Variants in PARVB observed in about 807,000 individuals in gnomAD.
PARVB encodes beta-parvin.
In PARVB, 46 loss-of-function variants were observed where a neutral mutation model predicts 47.0. The observed-to-expected ratio is 0.98, with a 90% CI of 0.77 to 1.25. The LOEUF is 1.25. PARVB is among the 50% of genes most tolerant of loss of function. PARVB has a pLI of 0.00. For missense variants in PARVB, 473 were observed against 471.6 expected (o/e 1.00, Z -0.03); for synonymous variants, 196 against 196.3 (o/e 1.00, Z 0.01).
At chr22:44,102,765 C>G (rs140248702) in intron 3 of PARVB, 1 of 152,194 alleles carries the variant, frequency 6.6e-6, no homozygotes, top group Non-Finnish European at 1.5e-5. Flanking sequence ...GCTTGAGCCC[C>G]GGAGGTCAAG....
intron 10 of PARVB, 77 bp from the exon 11 acceptor site, chr22:44,157,905 A>G (rs544955396): frequency 1.2e-5 from 12 of 987,392 alleles, no homozygotes; most frequent in Non-Finnish European, 1.9e-5. Flanking sequence ...AAGAAAAAAT[A>G]TGCCCCCCTT....
chr22:44,037,218 T>C (rs563259455), intron 1 of PARVB, among the ~76,000 whole-genome samples: 3 of 152,146 alleles, frequency 2.0e-5, no homozygotes, highest in Admixed American at 1.3e-4. Context: ...GGCACATGCC[T>C]GTAGTCCCAG....
intron 1 of PARVB, among the ~76,000 whole-genome samples, chr22:44,079,648 A>G (rs746597596): frequency 2.2e-4 from 33 of 152,300 alleles, no homozygotes; most frequent in Non-Finnish European, 5.9e-5. Flanking sequence ...GAGGCCATCC[A>G]GTTGTTTTTG....
At chr22:44,117,348 G>A (rs1393093800) in intron 3 of PARVB, among the ~76,000 whole-genome samples, 2 of 151,924 alleles carry the variant, frequency 1.3e-5, no homozygotes, top group African/African-American at 4.8e-5. Context: ...TGAAGGAGGA[G>A]GGCAGGAAGC....
chr22:44,130,347 C>T (rs528285842), intron 4 of PARVB, among the ~76,000 whole-genome samples: 204 of 152,294 alleles, frequency 1.3e-3, no homozygotes, highest in Non-Finnish European at 2.5e-3. Flanking sequence ...AACTGGGGGT[C>T]CTTCCTGCTG....
At chr22:44,121,209 T>C (rs1017933855) in intron 4 of PARVB, among the ~76,000 whole-genome samples, 1 of 152,174 alleles carries the variant, frequency 6.6e-6, no homozygotes, top group Non-Finnish European at 1.5e-5. Flanking sequence ...CTTGCTTTGT[T>C]GCCCAGGCCT....
rs185906946 is a variant in PARVB at position 44,135,504 on chromosome 22, G to A, written c.634-956G>A. 2.8e-4 allele frequency among the ~76,000 whole-genome samples: 43 copies of A among 152,266 alleles called. No homozygotes were observed. In the East Asian group the frequency reaches 7.1e-3, roughly 25 times the overall value. ...AATCTCTTGATCTCATGATCTGCCT[G>A]CCTTGGCCTCCCAAAGTGCTGGGAT... On this transcript the variant is annotated intron_variant, in intron 6 of 12. Transcript: ENST00000338758.
In PARVB at chr22:44,065,859, ATG is replaced by A. The variant is rs139664039; in HGVS notation, c.113-28049_113-28048del. Among the ~76,000 whole-genome samples, 744 of 144,586 alleles carry A rather than the reference ATG, an allele frequency of 5.1e-3. 13 individuals are homozygous for A. The highest frequency in any genetic ancestry group is 0.046 in the East Asian group (216 of 4,668). 94.9% of individuals were successfully genotyped at this position (144,586 alleles called of 152,430 possible). A position where few individuals can be genotyped will look rare whatever the true frequency, so the allele number is the denominator to read the frequency against. ...TATTCCATGGTGTGTGTGTGTGTGCATGTGTGTGTGTGTGTGTGTGTATACAC... is the reference window on the plus strand; with the variant it reads ...TATTCCATGGTGTGTGTGTGTGTGCATGTGTGTGTGTGTGTGTGTATACAC... On this transcript the variant is annotated intron_variant, in intron 1 of 12. Coordinates refer to ENST00000338758, the MANE Select transcript of PARVB (RefSeq NM_013327.5).
chr22:44,043,844 G>C (rs563093314), intron 1 of PARVB, among the ~76,000 whole-genome samples: 1 of 152,308 alleles, frequency 6.6e-6, no homozygotes, highest in African/African-American at 2.4e-5. Context: ...TCACCTTGGG[G>C]TGAGGGCGGG....
chr22:44,030,248 T>C (rs2050801615), intron 1 of PARVB, among the ~76,000 whole-genome samples: 1 of 152,338 alleles, frequency 6.6e-6, no homozygotes, highest in African/African-American at 2.4e-5. Flanking sequence ...CAGGACAGTT[T>C]GAGGGACAGG....
chr22:44,154,452 G>A lies in PARVB; in HGVS notation c.843+2901G>A, dbSNP rs1430930695. On this transcript the variant is annotated intron_variant, in intron 10 of 12. Coordinates refer to ENST00000338758, the MANE Select transcript of PARVB (RefSeq NM_013327.5). ...TCAATTTCTATTTGTGTGTGGGTGA[G>A]TGTGGTTTATGTAGTCTGGTATGTG... 2.6e-5 allele frequency among the ~76,000 whole-genome samples: 4 copies of A among 152,124 alleles called. No individual in the cohort carries two copies. In the East Asian group the frequency reaches 5.8e-4, roughly 22 times the overall value.
intron 2 of PARVB, among the ~76,000 whole-genome samples, chr22:44,098,026 C>T (rs1352814276): frequency 2.0e-5 from 3 of 152,142 alleles, no homozygotes; most frequent in African/African-American, 4.8e-5. Context: ...GAGGGAGCAG[C>T]GAGTTCCCTG....
intron 6 of PARVB, 66 bp downstream of exon 6, chr22:44,133,075 G>A: frequency 9.1e-7 from 1 of 1,097,096 alleles, no homozygotes; most frequent in Non-Finnish European, 1.3e-6. Context: ...TCCTCCTGCA[G>A]TTTTCCTGCC....
intron 1 of PARVB, among the ~76,000 whole-genome samples, chr22:44,055,795 A>G (rs1481028151): frequency 1.3e-5 from 2 of 152,192 alleles, no homozygotes; most frequent in Non-Finnish European, 2.9e-5. Flanking sequence ...GCGTCAGCCC[A>G]AGTGCGGGAG....
chr22:44,128,246 T>C (rs1290226600), intron 4 of PARVB, among the ~76,000 whole-genome samples: 3 of 152,152 alleles, frequency 2.0e-5, no homozygotes, highest in Non-Finnish European at 4.4e-5. Context: ...CTGGCTGTCG[T>C]CCTGCTGGTC....
At chr22:44,037,418 G>A (rs1005628456) in intron 1 of PARVB, among the ~76,000 whole-genome samples, 1 of 152,108 alleles carries the variant, frequency 6.6e-6, no homozygotes, top group African/African-American at 2.4e-5. Flanking sequence ...CTGAGACCCT[G>A]TCTCAAAAAA....
intron 1 of PARVB, among the ~76,000 whole-genome samples, chr22:44,060,514 C>A (rs1179689263): frequency 1.3e-5 from 2 of 151,850 alleles, no homozygotes; most frequent in Non-Finnish European, 2.9e-5. Flanking sequence ...CCTGGTGTGT[C>A]AGGTCAGGTA....
intron 4 of PARVB, among the ~76,000 whole-genome samples, chr22:44,126,558 C>T (rs1005185510): frequency 6.6e-6 from 1 of 152,054 alleles, no homozygotes; most frequent in African/African-American, 2.4e-5. Context: ...TGAAGCTGCC[C>T]CTGGGCTGTC....
chr22:44,098,663 A>G lies in PARVB; in HGVS notation c.203-1390A>G, dbSNP rs985274093. Among the ~76,000 whole-genome samples, 20 of 152,210 alleles carry G rather than the reference A, an allele frequency of 1.3e-4. 1 individual carries two copies. Among genetic ancestry groups the G allele is most frequent in the Non-Finnish European group, 8.8e-5 (6 of 68,016 alleles). ...CAGGACTCCCGAGAACTCCCTGCAC[A>G]TTACCTGGAGTGTCCTTTTCAGGCA... On this transcript the variant is annotated intron_variant, in intron 2 of 12. Transcript: ENST00000338758.
Sources: gnomAD v4.1 joint callset for allele counts (sites outside exome capture counted in the v4.1 genomes callset) on GRCh38, gnomAD v4.1.1 for gene constraint, MANE v1.5 for transcripts, NCBI Gene and HGNC (gene_info 2026-07-23, HGNC 2026-07-21) for gene names.